Variants in TBC1D31 observed in about 807,000 individuals in gnomAD.
TBC1D31 encodes the protein WD repeat domain 67.
TBC1D31 carries 99 observed loss-of-function variants against 132.9 expected under a neutral mutation model. The observed-to-expected ratio is 0.74, with a 90% confidence interval of 0.63 to 0.88. The LOEUF (loss-of-function observed/expected upper bound fraction) is 0.88. Among genes scored for constraint, TBC1D31 ranks in the 40% least tolerant of loss-of-function variants. The pLI is 0.00. For synonymous variants in TBC1D31, 385 were observed against 419.4 expected (o/e 0.92, Z 1.00); for missense variants, 1,134 against 1,256.6 (o/e 0.90, Z 1.48).
chr8:123,146,962 G>A (rs1822276063), intron 20 of TBC1D31, among the ~76,000 whole-genome samples: 2 of 151,880 alleles, frequency 1.3e-5, no homozygotes, highest in Non-Finnish European at 2.9e-5. Flanking sequence ...TACCTCACCC[G>A]GCCAAATCAT....
At chr8:123,092,808 A>ATTTTTTTTTTTTTTTT (rs71573666) in intron 4 of TBC1D31, among the ~76,000 whole-genome samples, 7 of 103,526 alleles carry the variant, frequency 6.8e-5, no homozygotes, top group African/African-American at 1.6e-4. Context: ...CACCCGGCTA[A>ATTTTTTTTTTTTTTTT]TTTTTTTTTT....
intron 16 of TBC1D31, among the ~76,000 whole-genome samples, chr8:123,132,403 CT>C (rs34901750): frequency 0.019 from 1,065 of 55,420 alleles, no homozygotes; most frequent in African/African-American, 0.031. Context: ...TTTTTTAAGT[CT>C]TTTTTTTTTT....
Position 123,101,955 on chromosome 8 carries a change from C to T in TBC1D31, c.1032+948C>T, listed in dbSNP as rs75569369. On this transcript the variant is annotated intron_variant, in intron 7 of 21. Coordinates refer to ENST00000287380, the MANE Select transcript of TBC1D31 (RefSeq NM_145647.4). Reference sequence around the variant, plus strand: ...CTTCGCCTGTTGAATTAAGTCCAGACTCTTCTGCCTGGCTCTCAGTGTTCT... The same window carrying T: ...CTTCGCCTGTTGAATTAAGTCCAGATTCTTCTGCCTGGCTCTCAGTGTTCT... Among the ~76,000 whole-genome samples, 307 of 152,286 alleles carry T rather than the reference C, an allele frequency of 2.0e-3. 1 individual carries two copies. Among genetic ancestry groups the T allele is most frequent in the African/African-American group, 7.0e-3 (291 of 41,546 alleles).
At chr8:123,117,612 G>A (rs1296135070) in intron 10 of TBC1D31, among the ~76,000 whole-genome samples, 1 of 151,554 alleles carries the variant, frequency 6.6e-6, no homozygotes, top group African/African-American at 2.4e-5. Context: ...AATTAGCCGG[G>A]CATGGTGGCG....
chr8:123,151,171 G>A (rs184337664), intron 21 of TBC1D31, among the ~76,000 whole-genome samples: 2 of 137,538 alleles, frequency 1.5e-5, no homozygotes, highest in East Asian at 3.9e-4. Context: ...AAGCATGAAA[G>A]TTGTATTTCT....
In TBC1D31 at chr8:123,126,039, T is replaced by C. The variant is rs931001985; in HGVS notation, c.1571-17T>C. ...GAAAGATATTTAAAGATATGTTTTC[T>C]TTTTTTTCCTTCATAGTCAATTGGT... On this transcript the variant is annotated splice_polypyrimidine_tract_variant and intron_variant, in intron 11 of 21. Coordinates refer to ENST00000287380, the MANE Select transcript of TBC1D31 (RefSeq NM_145647.4). The C allele has an allele frequency of 6.4e-7, 1 of 1,553,420 alleles. No homozygotes were observed. Among genetic ancestry groups the C allele is most frequent in the Non-Finnish European group, 8.7e-7 (1 of 1,151,548 alleles).
chr8:123,102,420 T>G, intron 7 of TBC1D31: 1 of 360,756 alleles, frequency 2.8e-6, no homozygotes, highest in Non-Finnish European at 5.4e-6. Flanking sequence ...TAAAAAATTA[T>G]ACAAGTAGTG....
In TBC1D31 at chr8:123,130,198, G is replaced by C. The variant is rs769188817; in HGVS notation, c.2271G>C (p.Arg757Ser). 3.7e-6 allele frequency: 6 copies of C among 1,606,136 alleles called. No homozygotes were observed. In the African/African-American group the frequency reaches 4.0e-5, roughly 11 times the overall value. Residue 757 changes from arginine to serine, a missense_variant and splice_region_variant, in exon 16 of 22, where the codon AGG becomes AGC. By Grantham distance (110) the Arg-to-Ser change is moderately radical (BLOSUM62 -1). Transcript: ENST00000287380. Reference protein sequence around the residue: ...EEEKMIQQRQRLAAVKRELKV... With the variant: ...EEEKMIQQRQSLAAVKRELKV... ...CCACTTGATGTATTTTGTATTTAAG[G>C]CTAGCTGCTGTGAAAAGAGAGCTGA...
In TBC1D31 at chr8:123,126,038, CT is replaced by C. The variant is rs777922502; in HGVS notation, c.1571-10del. 1.6e-5 allele frequency: 25 copies of C among 1,553,466 alleles called. No individual in the cohort carries two copies. The highest frequency in any genetic ancestry group is 2.5e-5 in the South Asian group (2 of 79,918). On this transcript the variant is annotated splice_polypyrimidine_tract_variant and intron_variant, in intron 11 of 21. Coordinates refer to ENST00000287380, the MANE Select transcript of TBC1D31 (RefSeq NM_145647.4). ...GGAAAGATATTTAAAGATATGTTTT[CT>C]TTTTTTTCCTTCATAGTCAATTGGT...
At chr8:123,100,557 CAA>C (rs1276428662) in intron 6 of TBC1D31, among the ~76,000 whole-genome samples, 1 of 151,468 alleles carries the variant, frequency 6.6e-6, no homozygotes, top group Non-Finnish European at 1.5e-5. Context: ...GCCTGGGCAA[CAA>C]GAGTAAAATT....
intron 10 of TBC1D31, among the ~76,000 whole-genome samples, chr8:123,119,057 T>G (rs1326042721): frequency 2.0e-5 from 3 of 152,218 alleles, no homozygotes; most frequent in Non-Finnish European, 4.4e-5. Context: ...AAAAGATGCT[T>G]AATCTTTCTC....
chr8:123,143,639 CTA>C (rs1821910629), intron 19 of TBC1D31, among the ~76,000 whole-genome samples: 1 of 152,194 alleles, frequency 6.6e-6, no homozygotes, highest in Admixed American at 6.5e-5. Context: ...CTTCAAGTCA[CTA>C]TTCCAGATTC....
intron 4 of TBC1D31, among the ~76,000 whole-genome samples, chr8:123,086,951 CA>C (rs1457210792): frequency 2.0e-5 from 3 of 152,164 alleles, no homozygotes; most frequent in Non-Finnish European, 4.4e-5. Flanking sequence ...CTCCTGGCCT[CA>C]AGTGATCCAC....
chr8:123,136,096 T>C (rs1821065654), intron 17 of TBC1D31, among the ~76,000 whole-genome samples: 1 of 152,206 alleles, frequency 6.6e-6, no homozygotes, highest in African/African-American at 2.4e-5. Context: ...GTATATTTCC[T>C]AAGACTAAGG....
rs755931795 is a variant in TBC1D31, at chr8:123,142,296, C to T, written c.2675C>T (p.Ala892Val). 5 of 1,586,214 alleles carry T rather than the reference C, an allele frequency of 3.2e-6. No homozygotes were observed. In the African/African-American group the frequency reaches 5.5e-5, roughly 17 times the overall value. Residue 892 changes from alanine to valine, a missense_variant, in exon 19 of 22, where the codon GCA becomes GTA. By Grantham distance (64) the Ala-to-Val change is moderately conservative. Transcript: ENST00000287380. ...IKENLAKAEQ[A>V]CLNTDWQIQS... ...GAAAATTTGGCAAAGGCTGAACAAG[C>T]ATGCCTAAATACCGACTGGCAGATT...
chr8:123,133,175 C>T (rs895190175), intron 16 of TBC1D31, among the ~76,000 whole-genome samples: 1 of 152,226 alleles, frequency 6.6e-6, no homozygotes, highest in Non-Finnish European at 1.5e-5. Context: ...GCAAGCAAAG[C>T]TGATCGGTTT....
rs769200318 is a variant in TBC1D31, at chr8:123,129,092, A to C, written c.2144A>C (p.Lys715Thr). The C allele has an allele frequency of 6.2e-7, 1 of 1,606,270 alleles. No homozygotes were observed. The highest frequency in any genetic ancestry group is 1.1e-5 in the South Asian group (1 of 89,866). Residue 715 changes from lysine (K) to threonine (T), a missense_variant, in exon 15 of 22, where the codon AAA (lysine) becomes ACA (threonine). Physicochemically the swap from Lys to Thr is moderately conservative, Grantham distance 78. Coordinates refer to ENST00000287380, the MANE Select transcript of TBC1D31 (RefSeq NM_145647.4). Reference sequence around the variant, plus strand: ...CAGACAGTTGAAGATATGCAAGCTAAAGTCGACCAGCAAAGAGTTGAAGAT... The same window carrying C: ...CAGACAGTTGAAGATATGCAAGCTACAGTCGACCAGCAAAGAGTTGAAGAT... ...ERQTVEDMQA[K>T]VDQQRVEDEA...
At chr8:123,084,465 G>A in intron 4 of TBC1D31, 125 bp downstream of exon 4, 2 of 898,608 alleles carry the variant, frequency 2.2e-6, no homozygotes, top group South Asian at 1.9e-5. Flanking sequence ...TCAGCAACAA[G>A]CAAAGCAAAG....
At chr8:123,077,573 C>G (rs1276600212) in intron 2 of TBC1D31, among the ~76,000 whole-genome samples, 1 of 150,062 alleles carries the variant, frequency 6.7e-6, no homozygotes, top group Admixed American at 6.7e-5. Context: ...GTTCTGTCGC[C>G]CAGGCTGGAG....
Sources: allele counts gnomAD v4.1 joint callset (sites outside exome capture counted in the v4.1 genomes callset), GRCh38; gene constraint gnomAD v4.1.1; transcripts MANE v1.5; gene names NCBI Gene and HGNC (gene_info 2026-07-23, HGNC 2026-07-21).